Variants in KDM4C observed in about 807,000 individuals in gnomAD.
KDM4C encodes lysine demethylase 4C.
Under a neutral mutation model 129.3 loss-of-function variants are expected in KDM4C, and 81 were observed. The ratio of observed to expected loss-of-function variants is 0.63; its 90% CI spans 0.52 to 0.75. The LOEUF is 0.75. KDM4C is among the 30% of genes least tolerant of loss of function. KDM4C has a pLI of 0.00. For synonymous variants in KDM4C, 573 were observed against 456.1 expected (o/e 1.26, Z -3.26); for missense variants, 1,457 against 1,304.0 (o/e 1.12, Z -1.81).
chr9:6,789,281 C>T (rs1460057290), intron 1 of KDM4C, among the ~76,000 whole-genome samples: 2 of 142,310 alleles, frequency 1.4e-5, no homozygotes, highest in African/African-American at 5.3e-5. Flanking sequence ...AGTGCAATGG[C>T]GTGATCTCAG....
rs79449845 is a variant in KDM4C at position 7,015,279 on chromosome 9, A to G, written c.2183-574A>G. Among the ~76,000 whole-genome samples the G allele has an allele frequency of 8.3e-3, 1,263 of 152,290 alleles. 19 individuals carry two copies. Among genetic ancestry groups the G allele is most frequent in the African/African-American group, 0.028 (1,166 of 41,564 alleles). On this transcript the variant is annotated intron_variant, in intron 14 of 21. Transcript: ENST00000381309. ...AATATTTCAGAATTCTCTTATCTCA[A>G]GAAGTCAGAGTGACATGTGTTCCTT...
intron 3 of KDM4C, among the ~76,000 whole-genome samples, chr9:6,809,904 T>G (rs1373197855): frequency 6.6e-6 from 1 of 152,092 alleles, no homozygotes; most frequent in Non-Finnish European, 1.5e-5. Context: ...GGCTGAGGAT[T>G]GCTTGTGCCT....
chr9:6,751,757 G>T (rs933992134), intron 1 of KDM4C, among the ~76,000 whole-genome samples: 14 of 152,136 alleles, frequency 9.2e-5, no homozygotes, highest in Non-Finnish European at 1.8e-4. Context: ...CCTAGAAAAT[G>T]TATTATAAAG....
intron 8 of KDM4C, among the ~76,000 whole-genome samples, chr9:6,958,656 G>A (rs1326718684): frequency 1.4e-5 from 2 of 145,534 alleles, no homozygotes; most frequent in South Asian, 2.2e-4. Flanking sequence ...TGGCTATAAT[G>A]TTAAAAATAC....
chr9:7,053,418 A>G (rs1051418698), intron 17 of KDM4C, among the ~76,000 whole-genome samples: 1 of 152,148 alleles, frequency 6.6e-6, no homozygotes, highest in Non-Finnish European at 1.5e-5. Flanking sequence ...AAAAAATGAC[A>G]ACTAATGGAA....
intron 3 of KDM4C, among the ~76,000 whole-genome samples, chr9:6,812,892 A>G (rs114057849): frequency 0.028 from 4,327 of 152,246 alleles, 211 homozygotes; most frequent in African/African-American, 0.095. Flanking sequence ...AAACATTTTT[A>G]AGGCTGGGTG....
intron 1 of KDM4C, among the ~76,000 whole-genome samples, chr9:6,723,142 G>C (rs1196303712): frequency 6.6e-6 from 1 of 152,160 alleles, no homozygotes; most frequent in Non-Finnish European, 1.5e-5. Context: ...GGGAGGCCGA[G>C]GTGAGTGGAT....
chr9:6,819,115 C>T (rs540238916), intron 4 of KDM4C: 38 of 152,028 alleles, frequency 2.5e-4, no homozygotes, highest in African/African-American at 9.2e-4. Flanking sequence ...CCTTTTTGTT[C>T]CCTTATTTTT....
intron 8 of KDM4C, among the ~76,000 whole-genome samples, chr9:6,953,555 G>A (rs1323070518): frequency 6.6e-6 from 1 of 152,134 alleles, no homozygotes; most frequent in Admixed American, 6.5e-5. Context: ...AATTGATTTT[G>A]ATAGCTCATT....
At chr9:7,030,007 T>TA (rs1425239665) in intron 15 of KDM4C, among the ~76,000 whole-genome samples, 2 of 152,256 alleles carry the variant, frequency 1.3e-5, no homozygotes, top group Non-Finnish European at 2.9e-5. Flanking sequence ...GCAGGGTAAA[T>TA]ACAGTAGCCA....
chr9:6,820,505 T>TTCCA (rs933386446), intron 4 of KDM4C, among the ~76,000 whole-genome samples: 1 of 152,170 alleles, frequency 6.6e-6, no homozygotes, highest in African/African-American at 2.4e-5. Flanking sequence ...ACCTGCTTTG[T>TTCCA]TCCAGAGTCT....
At chr9:7,037,776 T>A (rs926234910) in intron 15 of KDM4C, among the ~76,000 whole-genome samples, 2 of 152,156 alleles carry the variant, frequency 1.3e-5, no homozygotes, top group African/African-American at 2.4e-5. Flanking sequence ...AATGCTGTTC[T>A]TTGGAGACAG....
At chr9:6,793,384 G>GGA (rs1827112740) in intron 2 of KDM4C, among the ~76,000 whole-genome samples, 1 of 151,712 alleles carries the variant, frequency 6.6e-6, no homozygotes, top group Admixed American at 6.6e-5. Context: ...GGTGGCTGAT[G>GGA]GAAACCAAGG....
chr9:6,740,412 C>T (rs1365830414), intron 1 of KDM4C, among the ~76,000 whole-genome samples: 1 of 151,892 alleles, frequency 6.6e-6, no homozygotes, highest in Non-Finnish European at 1.5e-5. Flanking sequence ...ACCGTGTTAG[C>T]CAGGATGGTC....
chr9:7,004,049 C>G (rs1424156137), intron 12 of KDM4C, among the ~76,000 whole-genome samples: 2 of 152,134 alleles, frequency 1.3e-5, no homozygotes, highest in East Asian at 1.9e-4. Flanking sequence ...CCAGCCAAAA[C>G]ACCTCACTGG....
At chr9:7,060,085 C>T (rs1444337028) in intron 17 of KDM4C, among the ~76,000 whole-genome samples, 2 of 152,068 alleles carry the variant, frequency 1.3e-5, no homozygotes, top group East Asian at 3.8e-4. Context: ...ACATTCCTTG[C>T]AATGATTTTG....
chr9:6,863,598 C>T (rs542083737), intron 5 of KDM4C, among the ~76,000 whole-genome samples: 3 of 151,936 alleles, frequency 2.0e-5, no homozygotes, highest in Non-Finnish European at 4.4e-5. Context: ...AGATCGAGAC[C>T]ATCCTGGCTA....
At chr9:6,922,797 C>T (rs1821774542) in intron 8 of KDM4C, among the ~76,000 whole-genome samples, 1 of 152,214 alleles carries the variant, frequency 6.6e-6, no homozygotes, top group African/African-American at 2.4e-5. Flanking sequence ...AGTTAACTGA[C>T]AAATGTCACT....
intron 8 of KDM4C, among the ~76,000 whole-genome samples, chr9:6,959,067 G>T (rs1829598124): frequency 6.6e-6 from 1 of 152,140 alleles, no homozygotes; most frequent in African/African-American, 2.4e-5. Context: ...AACATTTATA[G>T]TCCTGCCCAA....
Sources: allele counts gnomAD v4.1 joint callset (sites outside exome capture counted in the v4.1 genomes callset), GRCh38; gene constraint gnomAD v4.1.1; transcripts MANE v1.5; gene names NCBI Gene and HGNC (gene_info 2026-07-23, HGNC 2026-07-21).